SH3KBP1: variants seen among roughly 807,000 people sequenced by gnomAD.
SH3KBP1 encodes the protein SH3 domain-containing kinase-binding protein 1.
Under a neutral mutation model 50.1 loss-of-function variants are expected in SH3KBP1, and 8 were observed. That is an observed-to-expected ratio of 0.16 (90% CI 0.09 to 0.29). The LOEUF (loss-of-function observed/expected upper bound fraction) is 0.29, where lower values mean the gene tolerates loss of function less well. Ranked by LOEUF, SH3KBP1 falls within the 10% of genes least tolerant of loss-of-function variation. SH3KBP1 has a pLI of 1.00. For synonymous variants in SH3KBP1, 227 were observed against 218.6 expected (o/e 1.04, Z -0.34); for missense variants, 377 against 535.2 (o/e 0.70, Z 2.92).
intron 1 of SH3KBP1, among the ~76,000 whole-genome samples, chrX:19,843,793 G>A (rs1389706640): frequency 2.7e-5 from 3 of 111,485 alleles, no homozygotes; most frequent in Non-Finnish European, 5.7e-5. Context: ...GAAAAGAGAT[G>A]AATCAAGAAA....
chrX:19,720,281 C>G, intron 3 of SH3KBP1, among the ~76,000 whole-genome samples: 2 of 110,840 alleles, frequency 1.8e-5, no homozygotes, highest in South Asian at 7.7e-4. Context: ...ATAACCCAAC[C>G]TCAGCAGGCC....
intron 8 of SH3KBP1, among the ~76,000 whole-genome samples, chrX:19,630,936 C>T (rs1409319298): frequency 9.0e-6 from 1 of 111,668 alleles, no homozygotes; most frequent in East Asian, 2.8e-4. Flanking sequence ...TGGCCACAGT[C>T]GGCGGGACCC....
intron 12 of SH3KBP1, among the ~76,000 whole-genome samples, chrX:19,569,766 G>A (rs928357308): frequency 4.5e-5 from 5 of 111,484 alleles, no homozygotes; most frequent in Middle Eastern, 9.2e-3. Flanking sequence ...ATCAGGACAC[G>A]AATGACTTCC....
At chrX:19,661,212 C>A (rs2062440817) in intron 6 of SH3KBP1, among the ~76,000 whole-genome samples, 1 of 112,506 alleles carries the variant, frequency 8.9e-6, no homozygotes, top group Non-Finnish European at 1.9e-5. Flanking sequence ...GCGTTCTCAG[C>A]TATAACATGG....
intron 7 of SH3KBP1, among the ~76,000 whole-genome samples, chrX:19,632,931 G>C (rs756362725): frequency 8.9e-6 from 1 of 112,077 alleles, no homozygotes; most frequent in South Asian, 3.7e-4. Flanking sequence ...AATGGCCTTA[G>C]ATATTTCCCA....
chrX:19,807,838 T>C (rs191204532), intron 2 of SH3KBP1, among the ~76,000 whole-genome samples: 21 of 112,736 alleles, frequency 1.9e-4, no homozygotes, highest in African/African-American at 6.8e-4. Context: ...CTCTTCAGAC[T>C]GCTTTTACCT....
intron 1 of SH3KBP1, among the ~76,000 whole-genome samples, chrX:19,862,291 T>C (rs2068796894): frequency 8.9e-6 from 1 of 112,346 alleles, no homozygotes. Flanking sequence ...CTGTTGTTAA[T>C]TGTCAGTCCT....
intron 1 of SH3KBP1, among the ~76,000 whole-genome samples, chrX:19,878,186 G>A (rs1434900043): frequency 8.9e-6 from 1 of 111,835 alleles, no homozygotes; most frequent in African/African-American, 3.3e-5. Flanking sequence ...CAGGTTGCTG[G>A]TGGACCTTTG....
intron 2 of SH3KBP1, among the ~76,000 whole-genome samples, chrX:19,783,472 T>A (rs1402159059): frequency 9.0e-6 from 1 of 111,599 alleles, no homozygotes; most frequent in Non-Finnish European, 1.9e-5. Flanking sequence ...CAGCCTATGA[T>A]GCCACAGAAT....
chrX:19,536,259 A>G lies in SH3KBP1; in HGVS notation c.*158T>C. ...TGGGGAAGATTCTCCTCTTGGATGG[A>G]ATTTGTGTTGTGCTATCAAGACTTT... On this transcript the variant is annotated 3_prime_UTR_variant, in exon 18 of 18. Transcript: ENST00000397821. 1 of 390,078 alleles carries G rather than the reference A, an allele frequency of 2.6e-6. No individual in the cohort carries two copies. Among genetic ancestry groups the G allele is most frequent in the Non-Finnish European group, 4.5e-6 (1 of 219,798 alleles). 32.1% of individuals were successfully genotyped at this position (390,078 alleles called of 1,213,427 possible). A position where few individuals can be genotyped will look rare whatever the true frequency, so the allele number is the denominator to read the frequency against.
chrX:19,690,180 C>A (rs2063255403), intron 5 of SH3KBP1, among the ~76,000 whole-genome samples: 1 of 109,812 alleles, frequency 9.1e-6, no homozygotes, highest in Non-Finnish European at 1.9e-5. Context: ...CTTCCTCAGC[C>A]TCCTGAGTAT....
rs1569405574 is a variant in SH3KBP1, at chrX:19,669,325, A to ATT, written c.726+14497_726+14498insAA. On this transcript the variant is annotated intron_variant, in intron 6 of 17. Transcript: ENST00000397821. ...AACTTTGAATAATAATAATAATAAT[A>ATT]ATTATTATTATTATTACAAAGAGCT... is the stretch of plus-strand genomic sequence containing the variant. Among the ~76,000 whole-genome samples the ATT allele has an allele frequency of 4.6e-3, 475 of 102,535 alleles. 3 individuals are homozygous for ATT. The highest frequency in any genetic ancestry group is 0.016 in the African/African-American group (451 of 27,567). 89.0% of individuals were successfully genotyped at this position (102,535 alleles called of 115,157 possible). A position where few individuals can be genotyped will look rare whatever the true frequency, so the allele number is the denominator to read the frequency against.
chrX:19,797,853 C>T (rs987033385), intron 2 of SH3KBP1, among the ~76,000 whole-genome samples: 1 of 108,084 alleles, frequency 9.3e-6, no homozygotes, highest in Non-Finnish European at 1.9e-5. Flanking sequence ...GCACATAGTA[C>T]AGTTAATTAA....
At chrX:19,570,905 C>T (rs1602508069) in intron 12 of SH3KBP1, among the ~76,000 whole-genome samples, 1 of 111,682 alleles carries the variant, frequency 9.0e-6, no homozygotes, top group Non-Finnish European at 1.9e-5. Context: ...TTCAGTGAGC[C>T]GTGATCGTGC....
Position 19,872,017 on chromosome X carries a change from T to C in SH3KBP1, c.4+15290A>G, listed in dbSNP as rs969427190. 4.6e-5 allele frequency among the ~76,000 whole-genome samples: 5 copies of C among 109,024 alleles called. 1 individual carries two copies. The South Asian group carries it at 2.0e-3, about 43-fold the overall frequency. The allele number at this position is 109,024 out of a possible 115,157, so 94.7% of individuals were successfully genotyped here. On this transcript the variant is annotated intron_variant, in intron 1 of 17. Transcript: ENST00000397821. Reference sequence around the variant, plus strand: ...CTGTAATCCCAGCACTTTGGGAGGCTGAGGTGGGTGGATCCCCTGAGGTCA... The same window carrying C: ...CTGTAATCCCAGCACTTTGGGAGGCCGAGGTGGGTGGATCCCCTGAGGTCA...
intron 2 of SH3KBP1, among the ~76,000 whole-genome samples, chrX:19,835,847 A>G (rs1261922753): frequency 3.7e-5 from 4 of 107,699 alleles, no homozygotes; most frequent in Admixed American, 9.7e-5. Context: ...GTCTCCCAGA[A>G]TGCTGGGATT....
intron 13 of SH3KBP1, among the ~76,000 whole-genome samples, chrX:19,554,223 T>G (rs1427822366): frequency 1.3e-5 from 1 of 77,246 alleles, no homozygotes; most frequent in Non-Finnish European, 2.2e-5. Flanking sequence ...ATATTATATA[T>G]CATATTAAAA....
At chrX:19,586,774 C>G (rs945364372) in intron 12 of SH3KBP1, among the ~76,000 whole-genome samples, 2 of 112,003 alleles carry the variant, frequency 1.8e-5, no homozygotes, top group Non-Finnish European at 3.8e-5. Flanking sequence ...AGCTCTGTAT[C>G]GACTGGGCAG....
At chrX:19,652,888 G>A (rs1448623582) in intron 6 of SH3KBP1, among the ~76,000 whole-genome samples, 1 of 112,007 alleles carries the variant, frequency 8.9e-6, no homozygotes, top group Non-Finnish European at 1.9e-5. Flanking sequence ...CATCACCAAG[G>A]CTGTGCTTTC....
Sources: gnomAD v4.1 joint callset for allele counts (sites outside exome capture counted in the v4.1 genomes callset) on GRCh38, gnomAD v4.1.1 for gene constraint, MANE v1.5 for transcripts, NCBI Gene and HGNC (gene_info 2026-07-23, HGNC 2026-07-21) for gene names.